The following SDCCAG8 variants were observed in gnomAD, a reference collection of about 807,000 sequenced individuals.
SDCCAG8 encodes SHH signaling and ciliogenesis regulator SDCCAG8.
In SDCCAG8, 74 loss-of-function variants were observed where a neutral mutation model predicts 101.8. The observed-to-expected ratio is 0.73, with a 90% CI of 0.60 to 0.88. The LOEUF (loss-of-function observed/expected upper bound fraction) is 0.88. SDCCAG8 is among the 40% of genes least tolerant of loss of function. SDCCAG8 has a pLI of 0.00. For synonymous variants in SDCCAG8, 281 were observed against 292.9 expected, an observed-to-expected ratio of 0.96 and a Z score of 0.41; for missense variants, 787 against 822.6, an observed-to-expected ratio of 0.96 and a Z score of 0.53.
intron 16 of SDCCAG8, among the ~76,000 whole-genome samples, chr1:243,446,707 T>C (rs1284629682): frequency 1.3e-5 from 2 of 152,134 alleles, no homozygotes; most frequent in African/African-American, 2.4e-5. Flanking sequence ...TTTTATATAC[T>C]GAGCAAACCA....
chr1:243,485,841 G>A (rs1358183593), intron 16 of SDCCAG8, among the ~76,000 whole-genome samples: 1 of 150,468 alleles, frequency 6.6e-6, no homozygotes, highest in Non-Finnish European at 1.5e-5. Context: ...GCAGTGAGCT[G>A]ACATAGCACC....
chr1:243,455,397 G>A (rs1350219546), intron 16 of SDCCAG8, among the ~76,000 whole-genome samples: 1 of 152,162 alleles, frequency 6.6e-6, no homozygotes, highest in African/African-American at 2.4e-5. Flanking sequence ...AGCCTCCCAA[G>A]TAGCTGGGAT....
chr1:243,358,278 G>A (rs2076502528), intron 12 of SDCCAG8, among the ~76,000 whole-genome samples: 1 of 151,896 alleles, frequency 6.6e-6, no homozygotes, highest in South Asian at 2.1e-4. Flanking sequence ...ATGGGCAAAA[G>A]ATCCGAATAG....
At chr1:243,492,747 A>G (rs1666872971) in intron 17 of SDCCAG8, among the ~76,000 whole-genome samples, 1 of 150,338 alleles carries the variant, frequency 6.7e-6, no homozygotes, top group Middle Eastern at 3.5e-3. Flanking sequence ...AGCTGGGATT[A>G]CAGGTGCCTG....
intron 16 of SDCCAG8, among the ~76,000 whole-genome samples, chr1:243,470,074 A>T (rs752643597): frequency 7.2e-5 from 11 of 152,068 alleles, no homozygotes; most frequent in Admixed American, 3.3e-4. Context: ...CACAAGAAAA[A>T]CCATGTCTGG....
intron 9 of SDCCAG8, among the ~76,000 whole-genome samples, chr1:243,318,247 G>T (rs139131181): frequency 6.6e-6 from 1 of 152,174 alleles, no homozygotes; most frequent in Non-Finnish European, 1.5e-5. Context: ...GCAAACTAAC[G>T]CAGGAACAGA....
At chr1:243,435,515 G>A (rs1332105726) in intron 16 of SDCCAG8, among the ~76,000 whole-genome samples, 1 of 152,168 alleles carries the variant, frequency 6.6e-6, no homozygotes, top group Non-Finnish European at 1.5e-5. Context: ...TTCTGGGATT[G>A]CAGCAGGAAC....
intron 16 of SDCCAG8, among the ~76,000 whole-genome samples, chr1:243,464,950 G>A (rs1203474233): frequency 1.3e-5 from 2 of 152,158 alleles, no homozygotes; most frequent in African/African-American, 2.4e-5. Flanking sequence ...TAATTGAATC[G>A]ACTGGACAAA....
intron 13 of SDCCAG8, among the ~76,000 whole-genome samples, chr1:243,402,742 A>C (rs1240915811): frequency 6.6e-6 from 1 of 152,216 alleles, no homozygotes; most frequent in East Asian, 1.9e-4. Context: ...TCATGAGCTT[A>C]AACCCTGAAT....
chr1:243,419,846 C>T (rs751130212), intron 15 of SDCCAG8, among the ~76,000 whole-genome samples: 11 of 152,178 alleles, frequency 7.2e-5, no homozygotes, highest in Middle Eastern at 3.2e-3. Flanking sequence ...TGGCATGTAA[C>T]GGTTAACTTA....
chr1:243,461,881 TC>T (rs1558501722), intron 16 of SDCCAG8, among the ~76,000 whole-genome samples: 2 of 152,162 alleles, frequency 1.3e-5, no homozygotes, highest in Non-Finnish European at 2.9e-5. Flanking sequence ...TACTGCTTGT[TC>T]CCATGTGCAA....
chr1:243,351,938 C>T (rs1026557055), intron 12 of SDCCAG8, among the ~76,000 whole-genome samples: 14 of 151,992 alleles, frequency 9.2e-5, no homozygotes, highest in Admixed American at 2.0e-4. Context: ...TGAATAATAC[C>T]GAGTTGGAGA....
intron 13 of SDCCAG8, among the ~76,000 whole-genome samples, chr1:243,380,310 T>G (rs1366127688): frequency 1.3e-5 from 2 of 152,220 alleles, no homozygotes; most frequent in Non-Finnish European, 2.9e-5. Flanking sequence ...GTTTCAGAAT[T>G]TAGCTTCATC....
chr1:243,276,643 A>G (rs1558221422), intron 4 of SDCCAG8, among the ~76,000 whole-genome samples: 2 of 152,130 alleles, frequency 1.3e-5, no homozygotes, highest in South Asian at 4.1e-4. Flanking sequence ...CTATTGTTAA[A>G]TTATTATTAT....
At chr1:243,477,499 T>C (rs1662674546) in intron 16 of SDCCAG8, among the ~76,000 whole-genome samples, 1 of 152,202 alleles carries the variant, frequency 6.6e-6, no homozygotes, top group Admixed American at 6.5e-5. Flanking sequence ...TCATGCCCAG[T>C]CTTCCAAAGG....
At chr1:243,305,699 A>C (rs992476573) in intron 7 of SDCCAG8, 1 of 152,202 alleles carries the variant, frequency 6.6e-6, no homozygotes, top group Non-Finnish European at 1.5e-5. Context: ...TAAACTTTGA[A>C]ATATTGTTTA....
At chr1:243,485,556 A>C (rs1574333040) in intron 16 of SDCCAG8, among the ~76,000 whole-genome samples, 1 of 152,360 alleles carries the variant, frequency 6.6e-6, no homozygotes, top group East Asian at 1.9e-4. Context: ...ATAGCCATTA[A>C]CAGAGGGTAG....
At chr1:243,267,559 G>T in intron 1 of SDCCAG8, 2 of 446,854 alleles carry the variant, frequency 4.5e-6, no homozygotes, top group South Asian at 4.1e-5. Flanking sequence ...CCGAGATTGC[G>T]CCATCGCACT....
chr1:243,382,155 A>G (rs565196536), intron 13 of SDCCAG8, among the ~76,000 whole-genome samples: 3 of 152,370 alleles, frequency 2.0e-5, no homozygotes, highest in African/African-American at 7.2e-5. Context: ...GACCAGCAGA[A>G]GAGCCTTATG....
Sources: gnomAD v4.1 joint callset for allele counts (sites outside exome capture counted in the v4.1 genomes callset) on GRCh38, gnomAD v4.1.1 for gene constraint, MANE v1.5 for transcripts, NCBI Gene and HGNC (gene_info 2026-07-23, HGNC 2026-07-21) for gene names.